Variants in TNRC6C observed in about 807,000 individuals in gnomAD.
The protein encoded by TNRC6C is trinucleotide repeat-containing gene 6C protein.
A neutral mutation model predicts 153.7 loss-of-function variants in TNRC6C; 20 were observed. That is an observed-to-expected ratio of 0.13 (90% CI 0.09 to 0.19). The LOEUF is 0.19. TNRC6C is among the 10% of genes least tolerant of loss of function. The pLI, the probability that TNRC6C is intolerant of heterozygous loss-of-function variation, is 1.00. For synonymous variants in TNRC6C, 811 were observed against 841.4 expected (o/e 0.96, Z 0.63); for missense variants, 1,987 against 2,172.0 (o/e 0.91, Z 1.69).
intron 2 of TNRC6C, 105 bp downstream of exon 4, chr17:78,031,947 A>G: frequency 4.3e-6 from 4 of 924,768 alleles, no homozygotes; most frequent in Non-Finnish European, 5.6e-6. Flanking sequence ...CATACTCACA[A>G]CATACACAGA....
At chr17:78,086,358 A>AAAAAAAAC (rs2073288887) in intron 11 of TNRC6C, 145 bp from the exon 14 acceptor site, 1 of 410,310 alleles carries the variant, frequency 2.4e-6, no homozygotes, top group African/African-American at 2.2e-5. Flanking sequence ...AAAAAAAAAA[A>AAAAAAAAC]AACAGTATGT....
upstream of TNRC6C, among the ~76,000 whole-genome samples, chr17:77,957,659 A>T (rs1008912789): frequency 4.6e-5 from 7 of 152,240 alleles, no homozygotes; most frequent in Admixed American, 3.9e-4. Flanking sequence ...ACGATGGGGG[A>T]AAAGCTAGCC....
At chr17:78,098,732 GC>G (rs2073534895) in intron 17 of TNRC6C, among the ~76,000 whole-genome samples, 195 bp downstream of exon 20, 1 of 152,150 alleles carries the variant, frequency 6.6e-6, no homozygotes, top group Non-Finnish European at 1.5e-5. Flanking sequence ...TTTAGCATCA[GC>G]CTAGGTGTGC....
At chr17:77,979,391 A>G (rs2071043094) in intron 1 of TNRC6C, among the ~76,000 whole-genome samples, 1 of 152,242 alleles carries the variant, frequency 6.6e-6, no homozygotes, top group African/African-American at 2.4e-5. Context: ...TCTGTTATGC[A>G]TCAATTAAAA....
chr17:78,072,107 G>A (rs2073008350), intron 6 of TNRC6C, among the ~76,000 whole-genome samples: 1 of 152,226 alleles, frequency 6.6e-6, no homozygotes. Flanking sequence ...TGGCCTCCAT[G>A]TAGCGGAGGA....
At chr17:77,970,047 A>T (rs1367806154) in intron 1 of TNRC6C, among the ~76,000 whole-genome samples, 2 of 152,138 alleles carry the variant, frequency 1.3e-5, no homozygotes, top group Non-Finnish European at 2.9e-5. Flanking sequence ...TTCCTATTCA[A>T]TCTCAAATCT....
chr17:78,032,179 C>T (rs1173915473), intron 2 of TNRC6C, among the ~76,000 whole-genome samples: 1 of 152,194 alleles, frequency 6.6e-6, no homozygotes, highest in African/African-American at 2.4e-5. Context: ...ACCCTTTTCT[C>T]TCAATTTCCT....
intron 3 of TNRC6C, among the ~76,000 whole-genome samples, chr17:78,064,493 C>T (rs963255342): frequency 6.6e-6 from 1 of 152,104 alleles, no homozygotes; most frequent in Non-Finnish European, 1.5e-5. Flanking sequence ...GCCTGGGCAA[C>T]ACAGCGAGTC....
rs574919891 is a variant in TNRC6C, at chr17:78,009,466, A to G, written c.-546+4387A>G. Among the ~76,000 whole-genome samples the G allele has an allele frequency of 4.8e-4, 73 of 152,322 alleles. 1 individual carries two copies. In the South Asian group the frequency reaches 0.015, roughly 31 times the overall value. On this transcript the variant is annotated intron_variant, in intron 1 of 19. Transcript: ENST00000301624. Reference sequence around the variant, plus strand: ...TTAACTTCATAAAGTAGATGTTTTCATACAAAAAGCTCAAAGTTAATCTTA... The same window carrying G: ...TTAACTTCATAAAGTAGATGTTTTCGTACAAAAAGCTCAAAGTTAATCTTA...
At chr17:78,084,303 T>C (rs1365379945) in intron 11 of TNRC6C, among the ~76,000 whole-genome samples, 2 of 115,292 alleles carry the variant, frequency 1.7e-5, no homozygotes, top group Non-Finnish European at 3.7e-5. Flanking sequence ...AAGAAAATCA[T>C]GACCAGGAAT....
At chr17:78,050,139 A>T in exon 3 of TNRC6C, 2 of 1,598,156 alleles carry the variant, frequency 1.3e-6, no homozygotes, top group Non-Finnish European at 1.7e-6. Flanking sequence ...ATGGGAAAGG[A>T]TCAACAGGGT....
chr17:78,044,370 A>G (rs367903824), intron 2 of TNRC6C, among the ~76,000 whole-genome samples: 8 of 152,340 alleles, frequency 5.3e-5, no homozygotes, highest in Admixed American at 2.0e-4. Context: ...CATTCATTCA[A>G]TGTATGTTTA....
intron 3 of TNRC6C, among the ~76,000 whole-genome samples, chr17:78,054,041 C>T (rs72894064): frequency 0.14 from 21,067 of 152,188 alleles, 1,751 homozygotes; most frequent in African/African-American, 0.23. Context: ...CTAGGCTATA[C>T]GGTACAGCCT....
At chr17:78,063,251 A>T (rs2072804620) in intron 3 of TNRC6C, among the ~76,000 whole-genome samples, 2 of 147,516 alleles carry the variant, frequency 1.4e-5, no homozygotes, top group Non-Finnish European at 3.0e-5. Flanking sequence ...TCTCCAAAAT[A>T]TATATATATA....
chr17:78,048,071 A>T (rs1446202521), intron 2 of TNRC6C, among the ~76,000 whole-genome samples: 1 of 152,186 alleles, frequency 6.6e-6, no homozygotes, highest in Non-Finnish European at 1.5e-5. Context: ...GAGAATCTTT[A>T]GAGATCCAAA....
rs141476606 is a variant in TNRC6C at position 78,034,924 on chromosome 17, G to A, written c.-219+3082G>A. Among the ~76,000 whole-genome samples the A allele has an allele frequency of 8.5e-5, 13 of 152,250 alleles. No homozygotes were observed. In the East Asian group the frequency reaches 1.9e-3, roughly 23 times the overall value. On this transcript the variant is annotated intron_variant, in intron 2 of 19. Transcript: ENST00000301624. ...GTGGAGGATGCAGTGAGCCAAGATC[G>A]AGTCACTGCATTCCAGCCTGGGCAA...
At chr17:78,006,342 A>T (rs960051813) in intron 1 of TNRC6C, among the ~76,000 whole-genome samples, 1 of 152,232 alleles carries the variant, frequency 6.6e-6, no homozygotes, top group Admixed American at 6.5e-5. Flanking sequence ...GAATTTACAT[A>T]ACACTTTTCC....
upstream of TNRC6C, among the ~76,000 whole-genome samples, chr17:77,958,750 G>A (rs1164668840): frequency 6.6e-6 from 1 of 150,450 alleles, no homozygotes; most frequent in African/African-American, 2.4e-5. Context: ...ACCTCAGCGC[G>A]ACGGCCCCGG....
At chr17:78,044,378 T>G (rs1213704595) in intron 2 of TNRC6C, among the ~76,000 whole-genome samples, 4 of 152,216 alleles carry the variant, frequency 2.6e-5, no homozygotes, top group Admixed American at 6.5e-5. Flanking sequence ...CAATGTATGT[T>G]TATTTACTGC....
Sources: allele counts gnomAD v4.1 joint callset (sites outside exome capture counted in the v4.1 genomes callset), GRCh38; gene constraint gnomAD v4.1.1; transcripts MANE v1.5; gene names NCBI Gene and HGNC (gene_info 2026-07-23, HGNC 2026-07-21).